Variants in STARD3NL observed in about 807,000 individuals in gnomAD.
STARD3NL encodes STARD3 N-terminal-like protein.
In STARD3NL, 17 loss-of-function variants were observed where a neutral mutation model predicts 30.9. The ratio of observed to expected loss-of-function variants is 0.55; its 90% CI spans 0.38 to 0.82. The LOEUF is 0.82. STARD3NL is among the 40% of genes least tolerant of loss of function. The pLI, the probability that STARD3NL is intolerant of heterozygous loss-of-function variation, is 0.00. For missense variants in STARD3NL, 234 were observed against 277.6 expected (o/e 0.84, Z 1.12); for synonymous variants, 112 against 100.5 (o/e 1.11, Z -0.69).
intron 7 of STARD3NL, among the ~76,000 whole-genome samples, chr7:38,221,211 G>A (rs1786441838): frequency 6.6e-6 from 1 of 152,102 alleles, no homozygotes; most frequent in South Asian, 2.1e-4. Context: ...TTTTTCTATG[G>A]TAAAAAACCC....
chr7:38,198,503 A>G (rs1406892137), intron 1 of STARD3NL: 1 of 152,264 alleles, frequency 6.6e-6, no homozygotes, highest in Non-Finnish European at 1.5e-5. Context: ...CCAAGAAAAC[A>G]TGTCTCTAAG....
intron 7 of STARD3NL, among the ~76,000 whole-genome samples, chr7:38,226,745 A>C (rs1347122684): frequency 2.6e-5 from 4 of 152,072 alleles, no homozygotes; most frequent in Admixed American, 6.5e-5. Context: ...CTTTCTGCTC[A>C]CCTCCCTCTG....
intron 1 of STARD3NL, among the ~76,000 whole-genome samples, chr7:38,195,378 C>T (rs1443079684): frequency 6.6e-6 from 1 of 152,206 alleles, no homozygotes; most frequent in South Asian, 2.1e-4. Flanking sequence ...TTTTAAAAAT[C>T]CCAGTGTTAG....
intron 1 of STARD3NL, among the ~76,000 whole-genome samples, chr7:38,200,852 T>G (rs1468932454): frequency 6.6e-6 from 1 of 152,182 alleles, no homozygotes; most frequent in African/African-American, 2.4e-5. Context: ...CAAGAGGCCA[T>G]ATGTGACTGT....
intron 1 of STARD3NL, among the ~76,000 whole-genome samples, chr7:38,196,593 G>A (rs955947829): frequency 6.6e-6 from 1 of 151,728 alleles, no homozygotes; most frequent in Non-Finnish European, 1.5e-5. Flanking sequence ...TTTTCACTTG[G>A]CACGTTAGGA....
chr7:38,220,613 A>G (rs149119404), intron 7 of STARD3NL, among the ~76,000 whole-genome samples: 3 of 152,376 alleles, frequency 2.0e-5, no homozygotes, highest in Non-Finnish European at 2.9e-5. Context: ...TAGAGTTACC[A>G]TATGATTCAA....
At chr7:38,184,712 A>G (rs1414245354) in intron 1 of STARD3NL, among the ~76,000 whole-genome samples, 2 of 146,750 alleles carry the variant, frequency 1.4e-5, no homozygotes, top group Non-Finnish European at 3.0e-5. Context: ...TATAATATAT[A>G]TATAATATAT....
At chr7:38,221,199 TA>T (rs1178831498) in intron 7 of STARD3NL, among the ~76,000 whole-genome samples, 1 of 152,180 alleles carries the variant, frequency 6.6e-6, no homozygotes, top group Non-Finnish European at 1.5e-5. Context: ...ATGTTAAATA[TA>T]TTTTTCTATG....
At chr7:38,180,160 G>A (rs1275611030) in intron 1 of STARD3NL, among the ~76,000 whole-genome samples, 1 of 152,188 alleles carries the variant, frequency 6.6e-6, no homozygotes, top group African/African-American at 2.4e-5. Flanking sequence ...TTTCTGCTTT[G>A]TTTTGGTTAT....
intron 1 of STARD3NL, among the ~76,000 whole-genome samples, chr7:38,182,257 A>G (rs1450416883): frequency 6.6e-6 from 1 of 152,062 alleles, no homozygotes; most frequent in Non-Finnish European, 1.5e-5. Flanking sequence ...GGTTCACAGA[A>G]CCTGTTTTCT....
chr7:38,190,855 C>T (rs1583779244), intron 1 of STARD3NL, among the ~76,000 whole-genome samples: 1 of 152,112 alleles, frequency 6.6e-6, no homozygotes. Context: ...GTCCCATATA[C>T]TGTTTATTAT....
chr7:38,187,738 A>G lies in STARD3NL; in HGVS notation c.-59+9318A>G, dbSNP rs563294461. ...CCCCTGAATTCCTGATTCATATCCA[A>G]CTGCTTACTTTATCTCGACTTGGAT... On this transcript the variant is annotated intron_variant, in intron 1 of 8. Transcript: ENST00000009041. 2.0e-5 allele frequency among the ~76,000 whole-genome samples: 3 copies of G among 152,212 alleles called. No individual in the cohort carries two copies. In the East Asian group the frequency reaches 5.8e-4, roughly 29 times the overall value.
chr7:38,178,533 T>C, intron 1 of STARD3NL, 113 bp downstream of exon 1: 1 of 152,836 alleles, frequency 6.5e-6, no homozygotes, highest in Non-Finnish European at 1.5e-5. Flanking sequence ...CATATCCTGG[T>C]CCTGTTCTGT....
At chr7:38,192,731 T>A (rs1018283985) in intron 1 of STARD3NL, among the ~76,000 whole-genome samples, 7 of 152,162 alleles carry the variant, frequency 4.6e-5, no homozygotes, top group Non-Finnish European at 8.8e-5. Context: ...GTCAACTAAG[T>A]GCTTTTTTAA....
chr7:38,222,165 A>ACACACG (rs1554298475), intron 7 of STARD3NL, among the ~76,000 whole-genome samples: 1 of 151,650 alleles, frequency 6.6e-6, no homozygotes, highest in Non-Finnish European at 1.5e-5. Flanking sequence ...ACACACACAC[A>ACACACG]CACACACACA....
At chr7:38,195,109 G>GTGCAA (rs1485091735) in intron 1 of STARD3NL, among the ~76,000 whole-genome samples, 1 of 152,286 alleles carries the variant, frequency 6.6e-6, no homozygotes, top group East Asian at 1.9e-4. Flanking sequence ...CCAGGCTGGA[G>GTGCAA]TGCAGTGGCA....
intron 2 of STARD3NL, among the ~76,000 whole-genome samples, chr7:38,211,851 A>G (rs1785822942): frequency 6.6e-6 from 1 of 152,130 alleles, no homozygotes; most frequent in Admixed American, 6.6e-5. Context: ...CTTGTTTTGT[A>G]TTTTTCATGC....
chr7:38,184,384 G>T (rs1191587019), intron 1 of STARD3NL, among the ~76,000 whole-genome samples: 5 of 151,804 alleles, frequency 3.3e-5, no homozygotes, highest in Non-Finnish European at 7.4e-5. Context: ...GGTTTAATTG[G>T]CTCACAGTTC....
intron 1 of STARD3NL, among the ~76,000 whole-genome samples, chr7:38,181,915 C>T (rs1356674110): frequency 2.0e-5 from 3 of 152,140 alleles, no homozygotes; most frequent in South Asian, 2.1e-4. Context: ...GGATAGACAA[C>T]TCCAGCCAGC....
Sources: gnomAD v4.1 joint callset for allele counts (sites outside exome capture counted in the v4.1 genomes callset) on GRCh38, gnomAD v4.1.1 for gene constraint, MANE v1.5 for transcripts, NCBI Gene and HGNC (gene_info 2026-07-23, HGNC 2026-07-21) for gene names.